SLC1A7: variants seen among roughly 807,000 people sequenced by gnomAD.
SLC1A7 encodes excitatory amino acid transporter 5.
A neutral mutation model predicts 47.7 loss-of-function variants in SLC1A7; 40 were observed. The observed-to-expected ratio is 0.84, with a 90% CI of 0.65 to 1.09. The LOEUF (loss-of-function observed/expected upper bound fraction) is 1.09, where lower values mean the gene tolerates loss of function less well. Among genes scored for constraint, SLC1A7 ranks in the 50% least tolerant of loss-of-function variants. The probability of loss-of-function intolerance (pLI) is 0.00; values close to 1 mark genes in which losing one functional copy is unlikely to be tolerated. For missense variants in SLC1A7, 746 were observed against 769.5 expected (o/e 0.97, Z 0.36); for synonymous variants, 323 against 325.6 (o/e 0.99, Z 0.09).
At position 53,091,037 on chromosome 1, in the gene SLC1A7, G is replaced by T; in HGVS notation, c.1032-231C>A. 3 of 1,318,832 alleles carry T rather than the reference G, an allele frequency of 2.3e-6. No individual in the cohort carries two copies. The South Asian group carries it at 4.4e-5, about 20-fold the overall frequency. 81.7% of individuals were successfully genotyped at this position (1,318,832 alleles called of 1,614,324 possible). ...ACAGATGAGGAAGCTGACGCCCAGA[G>T]GGCGGGGCTGACCCATGTCACACTG... is the stretch of plus-strand genomic sequence containing the variant. On this transcript the variant is annotated intron_variant, in intron 7 of 10. Coordinates refer to ENST00000371494, the MANE Select transcript of SLC1A7 (RefSeq NM_006671.6).
intron 2 of SLC1A7, among the ~76,000 whole-genome samples, chr1:53,122,620 C>G (rs1303181325): frequency 2.0e-5 from 3 of 152,202 alleles, no homozygotes; most frequent in Non-Finnish European, 2.9e-5. Flanking sequence ...CTCCTGAGGC[C>G]TAAGGCAGCA....
At chr1:53,093,599 C>CTG in intron 5 of SLC1A7, 39 bp from the exon 6 acceptor site, 1 of 1,504,176 alleles carries the variant, frequency 6.6e-7, no homozygotes, top group Non-Finnish European at 9.0e-7. Context: ...AAAGCAGGGA[C>CTG]AGACCCACAG....
In SLC1A7 at chr1:53,092,716, C is replaced by T. The variant is rs866804916; in HGVS notation, c.869G>A (p.Gly290Asp). 1.2e-6 allele frequency: 2 copies of T among 1,614,060 alleles called. No individual in the cohort carries two copies. The highest frequency in any genetic ancestry group is 1.7e-6 in the Non-Finnish European group (2 of 1,179,972). The change falls in exon 7 of 11, where the codon GGC becomes GAC. Residue 290 changes from glycine (G) to aspartate (D), a missense_variant. Physicochemically the swap from Gly to Asp is moderately conservative, Grantham distance 94 (BLOSUM62 -1). Coordinates refer to ENST00000371494, the MANE Select transcript of SLC1A7 (RefSeq NM_006671.6). ...GACTGAGTAGAAGCCCAGCTTCTTG[C>T]CGACGGCCCTGGGGTCGTCCATCTC... is the stretch of plus-strand genomic sequence containing the variant. The part of the protein sequence containing the change: ...ILEMDDPRAV[G>D]KKLGFYSVTV...
At chr1:53,113,655 A>T (rs1265798118) in intron 3 of SLC1A7, among the ~76,000 whole-genome samples, 2 of 151,008 alleles carry the variant, frequency 1.3e-5, no homozygotes, top group African/African-American at 4.9e-5. Flanking sequence ...CTCCCCTGCA[A>T]CTCTGATCCC....
chr1:53,111,378 C>T (rs1408533308), intron 3 of SLC1A7, among the ~76,000 whole-genome samples: 2 of 152,126 alleles, frequency 1.3e-5, no homozygotes, highest in African/African-American at 2.4e-5. Flanking sequence ...CTGTAAGCTG[C>T]GGTGCAGGCT....
rs757227402 is a variant in SLC1A7, at chr1:53,090,658, G to T, written c.1180C>A (p.Gln394Lys). 6.2e-7 allele frequency: 1 copy of T among 1,611,234 alleles called. No homozygotes were observed. Residue 394 changes from glutamine (Q) to lysine (K), a missense_variant, in exon 8 of 11, where the codon CAG becomes AAG. Coordinates refer to ENST00000371494, the MANE Select transcript of SLC1A7 (RefSeq NM_006671.6). ...AAGTCCAGCTCGTAGTTGTTGACCT[G>T]GGCGATGAAGATGGCGGCCACAGCC... is the stretch of plus-strand genomic sequence containing the variant. The part of the protein sequence containing the change: ...YEAVAAIFIA[Q>K]VNNYELDFGQ...
At chr1:53,116,695 C>A (rs553391578) in intron 2 of SLC1A7, among the ~76,000 whole-genome samples, 2 of 152,224 alleles carry the variant, frequency 1.3e-5, no homozygotes, top group African/African-American at 2.4e-5. Context: ...GAACCCCCCG[C>A]AGTGGGGTCC....
chr1:53,096,972 TCACA>T (rs66988342), intron 5 of SLC1A7, among the ~76,000 whole-genome samples: 19,880 of 146,152 alleles, frequency 0.14, 1,432 homozygotes, highest in Middle Eastern at 0.2. Flanking sequence ...CTCGGTACAC[TCACA>T]CACCCCGCCT....
rs1289127539 is a variant in SLC1A7 at position 53,103,296 on chromosome 1, G to T, written c.697+50C>A. The T allele has an allele frequency of 7.8e-6, 11 of 1,415,814 alleles. No homozygotes were observed. In the African/African-American group the frequency reaches 1.5e-4, roughly 20 times the overall value. The allele number at this position is 1,415,814 out of a possible 1,614,324, so 87.7% of individuals were successfully genotyped here. A position where few individuals can be genotyped will look rare whatever the true frequency, so the allele number is the denominator to read the frequency against. ...GGTGGAGGAGCAGGCTGCTGGGAGG[G>T]GCTGGGGGCCCGGCTCCACGGCACT... On this transcript the variant is annotated intron_variant, in intron 5 of 10. Coordinates refer to ENST00000371494, the MANE Select transcript of SLC1A7 (RefSeq NM_006671.6).
chr1:53,134,219 A>G, intron 2 of SLC1A7, 131 bp downstream of exon 2: 1 of 608,162 alleles, frequency 1.6e-6, no homozygotes, highest in African/African-American at 1.8e-5. Context: ...CTGCCCATAA[A>G]GGCCCCACGG....
At chr1:53,098,756 G>A (rs1044865150) in intron 5 of SLC1A7, among the ~76,000 whole-genome samples, 6 of 145,204 alleles carry the variant, frequency 4.1e-5, no homozygotes, top group African/African-American at 1.5e-4. Context: ...CATTGCCTCA[G>A]TACACTCACA....
chr1:53,138,093 G>A (rs112747782), intron 1 of SLC1A7, among the ~76,000 whole-genome samples: 76 of 152,182 alleles, frequency 5.0e-4, no homozygotes, highest in African/African-American at 1.6e-3. Context: ...GAGATACTTC[G>A]TTGGAAATAA....
chr1:53,139,977 T>TAAA (rs1392872506), intron 1 of SLC1A7, among the ~76,000 whole-genome samples: 1 of 150,702 alleles, frequency 6.6e-6, no homozygotes, highest in Non-Finnish European at 1.5e-5. Context: ...TTATCAAGGA[T>TAAA]AAAAGTTCTT....
intron 5 of SLC1A7, chr1:53,103,111 C>A (rs12097449): frequency 2.3e-6 from 1 of 433,050 alleles, no homozygotes; most frequent in Non-Finnish European, 4.1e-6. Flanking sequence ...ATGCCAGCTG[C>A]GGGCCTAAGA....
intron 9 of SLC1A7, 28 bp from the exon 10 acceptor site, chr1:53,089,007 G>T (rs1644390877): frequency 1.3e-6 from 2 of 1,579,866 alleles, no homozygotes; most frequent in Non-Finnish European, 1.7e-6. Context: ...GGGGTGAGTG[G>T]TGGGCACTTG....
At chr1:53,090,835 A>G in intron 7 of SLC1A7, 29 bp from the exon 8 acceptor site, 1 of 1,584,948 alleles carries the variant, frequency 6.3e-7, no homozygotes, top group East Asian at 2.3e-5. Flanking sequence ...GTGTCTGCCC[A>G]GCACCCTCCT....
intron 1 of SLC1A7, among the ~76,000 whole-genome samples, chr1:53,136,149 C>A (rs973592396): frequency 1.8e-5 from 2 of 110,366 alleles, no homozygotes; most frequent in East Asian, 2.4e-4. Flanking sequence ...CTCTCTCTCT[C>A]TCTATATATA....
At chr1:53,090,955 G>A in intron 7 of SLC1A7, 149 bp from the exon 8 acceptor site, 1 of 1,521,180 alleles carries the variant, frequency 6.6e-7, no homozygotes, top group Non-Finnish European at 8.8e-7. Context: ...AAGGACCGCG[G>A]GCACTGCAGT....
chr1:53,095,397 C>T (rs1644474180), intron 5 of SLC1A7, among the ~76,000 whole-genome samples: 1 of 151,928 alleles, frequency 6.6e-6, no homozygotes, highest in South Asian at 2.1e-4. Context: ...CACAGTAAGC[C>T]ACACCCTGCC....
Sources: gnomAD v4.1 joint callset for allele counts (sites outside exome capture counted in the v4.1 genomes callset) on GRCh38, gnomAD v4.1.1 for gene constraint, MANE v1.5 for transcripts, NCBI Gene and HGNC (gene_info 2026-07-23, HGNC 2026-07-21) for gene names.